HIVEP3: variants seen among roughly 807,000 people sequenced by gnomAD.
HIVEP3 encodes transcription factor HIVEP3.
In HIVEP3, 49 loss-of-function variants were observed where a neutral mutation model predicts 152.8. The ratio of observed to expected loss-of-function variants is 0.32; its 90% CI spans 0.26 to 0.41. The LOEUF (loss-of-function observed/expected upper bound fraction) is 0.41. Among genes scored for constraint, HIVEP3 ranks in the 10% least tolerant of loss-of-function variants. The pLI is 1.00. For missense variants in HIVEP3, 2,790 were observed against 3,103.3 expected, an observed-to-expected ratio of 0.90 and a Z score of 2.40; for synonymous variants, 1,269 against 1,289.0, an observed-to-expected ratio of 0.98 and a Z score of 0.33.
At chr1:41,875,513 C>A (rs1644154817) in intron 1 of HIVEP3, among the ~76,000 whole-genome samples, 1 of 152,248 alleles carries the variant, frequency 6.6e-6, no homozygotes, top group Non-Finnish European at 1.5e-5. Context: ...TGGCTTAAAA[C>A]CTCTCAATGG....
Position 41,533,242 on chromosome 1 carries a change from T to TC in HIVEP3, c.5208-8333dup, listed in dbSNP as rs1378973011. 1.3e-5 allele frequency among the ~76,000 whole-genome samples: 2 copies of TC among 152,084 alleles called. No individual in the cohort carries two copies. Among genetic ancestry groups the TC allele is most frequent in the Non-Finnish European group, 2.9e-5 (2 of 68,008 alleles). On this transcript the variant is annotated intron_variant, in intron 5 of 8. Transcript: ENST00000372583. This position sits in a 1 kb window ranked among gnomAD's most constrained non-coding sequence, Gnocchi z 4.3. The stretch of plus-strand genomic sequence containing the variant: ...TGGCAGCTGTCTATCAGTGTGGACC[T>TC]CCCCAAGCCTGAGGTAGACCTGCCG...
At chr1:41,717,587 G>A (rs977936604) in intron 1 of HIVEP3, among the ~76,000 whole-genome samples, 9 of 152,180 alleles carry the variant, frequency 5.9e-5, no homozygotes, top group East Asian at 1.9e-4. Context: ...TTTCAGGCAC[G>A]GGGTTGGTAC....
At chr1:41,759,711 G>C (rs1300074801) in intron 1 of HIVEP3, among the ~76,000 whole-genome samples, 1 of 152,198 alleles carries the variant, frequency 6.6e-6, no homozygotes, top group Non-Finnish European at 1.5e-5. Flanking sequence ...CTGTGCCTTG[G>C]AAGCCTGTAG....
intron 2 of HIVEP3, among the ~76,000 whole-genome samples, chr1:41,632,998 G>T (rs150008357): frequency 6.6e-6 from 1 of 152,114 alleles, no homozygotes; most frequent in Non-Finnish European, 1.5e-5. Flanking sequence ...GAGGGGTGTG[G>T]CTTGAGGAGA....
chr1:41,721,173 G>T (rs1439536421), intron 1 of HIVEP3, among the ~76,000 whole-genome samples: 1 of 152,046 alleles, frequency 6.6e-6, no homozygotes, highest in African/African-American at 2.4e-5. Context: ...TTGGTTGAAA[G>T]GTAGATCTCA....
At chr1:41,579,113 G>C (rs1352329231) in intron 4 of HIVEP3, among the ~76,000 whole-genome samples, 1 of 152,186 alleles carries the variant, frequency 6.6e-6, no homozygotes, top group Non-Finnish European at 1.5e-5. Context: ...TGACCACGTA[G>C]CACAAATAGG....
Position 41,729,029 on chromosome 1 carries a change from A to G in HIVEP3, c.-800-28034T>C, listed in dbSNP as rs980249772. ...CTCGCTCTCAGTCACCATCTCCCAC[A>G]TGGACTAGGGGTTACCCAGGCTGCC... On this transcript the variant is annotated intron_variant, in intron 1 of 8. Transcript: ENST00000372583. Among the ~76,000 whole-genome samples, 11 of 152,258 alleles carry G rather than the reference A, an allele frequency of 7.2e-5. No homozygotes were observed. In the South Asian group the frequency reaches 1.2e-3, roughly 17 times the overall value.
chr1:41,725,424 T>C (rs1646738337), intron 1 of HIVEP3, among the ~76,000 whole-genome samples: 1 of 152,164 alleles, frequency 6.6e-6, no homozygotes, highest in Non-Finnish European at 1.5e-5. Context: ...CCAGGAGGGA[T>C]GTTCAATCTT....
chr1:41,582,485 C>T lies in HIVEP3; in HGVS notation c.2313G>A (p.Thr771=), dbSNP rs773161392. The change falls in exon 4 of 9, where the codon ACG becomes ACA. Residue 771 remains threonine, a synonymous_variant. Transcript: ENST00000372583. This position sits in a 1 kb window ranked among gnomAD's most constrained non-coding sequence, Gnocchi z 4.7. ...GCTTGGGAGTCCTTGGCTGGAAGCC[C>T]GTGGGTCCCTCCAAGGAGGGCACTG... The part of the protein sequence containing the change: ...SKSVPSLEGP[T]GFQPRTPKPG... 1.9e-5 allele frequency: 31 copies of T among 1,613,008 alleles called. No homozygotes were observed. Among genetic ancestry groups the T allele is most frequent in the South Asian group, 9.9e-5 (9 of 90,968 alleles).
rs750758809 is a variant in HIVEP3 at position 41,583,997 on chromosome 1, C to A, written c.801G>T (p.Arg267=). The A allele has an allele frequency of 6.2e-7, 1 of 1,614,218 alleles. No individual in the cohort carries two copies. The highest frequency in any genetic ancestry group is 8.5e-7 in the Non-Finnish European group (1 of 1,180,042). ...GCTCCTCAAACTCTTCCCCAGGGAT[C>A]CGCTCCATCTCCAGCCCATGTGGGT... The part of the protein sequence containing the change: ...EMYPHGLEME[R]IPGEEFEEPT... Residue 267 remains arginine (R), a synonymous_variant, in exon 4 of 9, where the codon CGG becomes CGT. Transcript: ENST00000372583. This position sits in a 1 kb window ranked among gnomAD's most constrained non-coding sequence, Gnocchi z 6.9.
chr1:41,722,419 T>G (rs889832853), intron 1 of HIVEP3, among the ~76,000 whole-genome samples: 2 of 146,520 alleles, frequency 1.4e-5, no homozygotes, highest in Non-Finnish European at 3.0e-5. Context: ...CTTCCTTCCT[T>G]CCTTCCTTCC....
chr1:41,615,682 G>A (rs1409338558), intron 3 of HIVEP3, among the ~76,000 whole-genome samples: 1 of 152,176 alleles, frequency 6.6e-6, no homozygotes, highest in Non-Finnish European at 1.5e-5. Context: ...AAGCCCGGTG[G>A]GGGCAGGGTA....
At chr1:41,894,695 C>T (rs964934788) in intron 1 of HIVEP3, among the ~76,000 whole-genome samples, 7 of 152,146 alleles carry the variant, frequency 4.6e-5, no homozygotes, top group Admixed American at 3.3e-4. Context: ...TTTCAAATAT[C>T]GTGGCTCAAC....
chr1:41,563,715 A>C (rs1470616449), intron 5 of HIVEP3, among the ~76,000 whole-genome samples: 1 of 152,146 alleles, frequency 6.6e-6, no homozygotes, highest in Admixed American at 6.5e-5. Flanking sequence ...CCAAATAAAC[A>C]CACAATAAAG....
intron 1 of HIVEP3, among the ~76,000 whole-genome samples, chr1:41,747,121 T>C (rs997320812): frequency 1.3e-5 from 2 of 152,108 alleles, no homozygotes; most frequent in African/African-American, 2.4e-5. Flanking sequence ...GCCTGTCAGA[T>C]TTAAAGGCCA....
At chr1:41,949,118 T>G (rs1645091121) in intron 1 of HIVEP3, among the ~76,000 whole-genome samples, 1 of 152,236 alleles carries the variant, frequency 6.6e-6, no homozygotes, top group Non-Finnish European at 1.5e-5. Flanking sequence ...GGAATATTTT[T>G]TGTCTGTGAC....
In HIVEP3 at chr1:41,662,186, T is replaced by C. The variant is rs1645724404; in HGVS notation, c.-720-33239A>G. 6.8e-6 allele frequency: 1 copy of C among 146,688 alleles called. No homozygotes were observed. The highest frequency in any genetic ancestry group is 2.0e-4 in the East Asian group (1 of 5,056). 9.1% of individuals were successfully genotyped at this position (146,688 alleles called of 1,614,324 possible). A position where few individuals can be genotyped will look rare whatever the true frequency, so the allele number is the denominator to read the frequency against. On this transcript the variant is annotated intron_variant, in intron 2 of 8. Transcript: ENST00000372583. This position sits in a 1 kb window ranked among gnomAD's most constrained non-coding sequence, Gnocchi z 7.2. ...TGGGCTGGGCTGCGCCGCGCTGGAC[T>C]GGGCTGCGCTGGGCTGCGCGCCCGG...
At chr1:41,751,178 C>G (rs1647156401) in intron 1 of HIVEP3, among the ~76,000 whole-genome samples, 1 of 152,180 alleles carries the variant, frequency 6.6e-6, no homozygotes, top group African/African-American at 2.4e-5. Flanking sequence ...AACACCCTCC[C>G]TGCCCAGCCC....
rs569380318 is a variant in HIVEP3 at position 41,628,444 on chromosome 1, T to C, written c.-522+305A>G. Among the ~76,000 whole-genome samples the C allele has an allele frequency of 2.6e-5, 4 of 152,218 alleles. No individual in the cohort carries two copies. The East Asian group carries it at 7.7e-4, about 29-fold the overall frequency. ...CCCCTGGAGAGGGGGCTGTGGCCCT[T>C]TGAGAGGAGCTGTTGTGTCCTTTGC... On this transcript the variant is annotated intron_variant, in intron 3 of 8. Transcript: ENST00000372583.
Sources: allele counts gnomAD v4.1 joint callset (sites outside exome capture counted in the v4.1 genomes callset), GRCh38; gene constraint gnomAD v4.1.1; non-coding constraint Gnocchi (gnomAD v3.1); transcripts MANE v1.5; gene names NCBI Gene and HGNC (gene_info 2026-07-23, HGNC 2026-07-21).